The following ARFGEF3 variants were observed in gnomAD, a reference collection of about 807,000 sequenced individuals.
ARFGEF3 encodes ARFGEF family member 3.
A neutral mutation model predicts 221.7 loss-of-function variants in ARFGEF3; 96 were observed. The observed-to-expected ratio is 0.43, with a 90% CI of 0.37 to 0.51. The LOEUF is 0.51. Among genes scored for constraint, ARFGEF3 ranks in the 20% least tolerant of loss-of-function variants. The pLI, the probability that ARFGEF3 is intolerant of heterozygous loss-of-function variation, is 0.00. For missense variants in ARFGEF3, 2,410 were observed against 2,789.9 expected (o/e 0.86, Z 3.07); for synonymous variants, 1,145 against 1,126.8 (o/e 1.02, Z -0.32).
intron 2 of ARFGEF3, among the ~76,000 whole-genome samples, chr6:138,186,333 G>A (rs897980958): frequency 6.6e-6 from 1 of 152,210 alleles, no homozygotes; most frequent in Non-Finnish European, 1.5e-5. Flanking sequence ...TCATGTAACA[G>A]GCTGTCTGGA....
chr6:138,184,885 A>G (rs1777152914), intron 2 of ARFGEF3, among the ~76,000 whole-genome samples: 1 of 152,218 alleles, frequency 6.6e-6, no homozygotes, highest in South Asian at 2.1e-4. Context: ...TACTTACCTG[A>G]AGATGATGCT....
intron 22 of ARFGEF3, among the ~76,000 whole-genome samples, chr6:138,306,542 A>G (rs558893481): frequency 8.7e-4 from 133 of 152,332 alleles, no homozygotes; most frequent in South Asian, 1.9e-3. Context: ...GAAAATTTAC[A>G]CTACCTGATT....
intron 12 of ARFGEF3, among the ~76,000 whole-genome samples, chr6:138,269,828 G>A (rs933830270): frequency 1.3e-5 from 2 of 150,930 alleles, no homozygotes; most frequent in Non-Finnish European, 2.9e-5. Context: ...GAAAAAAAAA[G>A]GCAATATTAC....
intron 14 of ARFGEF3, among the ~76,000 whole-genome samples, chr6:138,283,053 T>A (rs867644956): frequency 1.0e-4 from 15 of 145,954 alleles, no homozygotes; most frequent in Middle Eastern, 3.6e-3. Flanking sequence ...TCTGTCTTTT[T>A]AAAAAAAAAA....
rs558794192 is a variant in ARFGEF3, at chr6:138,239,476, C to T, written c.543+845C>T. 4.3e-4 allele frequency among the ~76,000 whole-genome samples: 65 copies of T among 151,802 alleles called. 2 individuals carry two copies. The South Asian group carries it at 0.012, about 28-fold the overall frequency. ...CAGCCTGGCCAACATAGCGAAACCC[C>T]GTCTCTATTAAAAATCCAAAAAATT... On this transcript the variant is annotated intron_variant, in intron 6 of 33. Coordinates refer to ENST00000251691, the MANE Select transcript of ARFGEF3 (RefSeq NM_020340.5).
In ARFGEF3 at chr6:138,221,673, T is replaced by C. The variant is rs4895517; in HGVS notation, c.352-8111T>C. On this transcript the variant is annotated intron_variant, in intron 4 of 33. Coordinates refer to ENST00000251691, the MANE Select transcript of ARFGEF3 (RefSeq NM_020340.5). Reference sequence around the variant, plus strand: ...AAATTAATTATAACTAATATTTATATATTTTTTCTGTGACTATCACTGTTA... The same window carrying C: ...AAATTAATTATAACTAATATTTATACATTTTTTCTGTGACTATCACTGTTA... Among the ~76,000 whole-genome samples, 959 of 152,248 alleles carry C rather than the reference T, an allele frequency of 6.3e-3. 41 individuals are homozygous for C. Among genetic ancestry groups the C allele is most frequent in the Admixed American group, 0.053 (805 of 15,268 alleles).
chr6:138,198,258 A>G (rs992622745), intron 2 of ARFGEF3, among the ~76,000 whole-genome samples: 1 of 152,186 alleles, frequency 6.6e-6, no homozygotes, highest in African/African-American at 2.4e-5. Context: ...TTGCTAAAAA[A>G]CCTTGAAAGC....
chr6:138,237,456 TAGAGGC>T (rs1778307445), intron 5 of ARFGEF3, among the ~76,000 whole-genome samples: 1 of 152,166 alleles, frequency 6.6e-6, no homozygotes, highest in Non-Finnish European at 1.5e-5. Context: ...CCAGAAGAAT[TAGAGGC>T]AGTAAAATCT....
In ARFGEF3 at chr6:138,265,102, G is replaced by A. The variant is rs375148706; in HGVS notation, c.2128+1491G>A. Among the ~76,000 whole-genome samples, 715 of 151,928 alleles carry A rather than the reference G, an allele frequency of 4.7e-3. 3 individuals carry two copies. Among genetic ancestry groups the A allele is most frequent in the African/African-American group, 0.011 (447 of 41,460 alleles). Reference sequence around the variant, plus strand: ...GTATTTTTAGTAGAGACAGGGTTTCGCTGTGTTAGCCAGGATGGTCTCGAT... The same window carrying A: ...GTATTTTTAGTAGAGACAGGGTTTCACTGTGTTAGCCAGGATGGTCTCGAT... On this transcript the variant is annotated intron_variant, in intron 12 of 33. Coordinates refer to ENST00000251691, the MANE Select transcript of ARFGEF3 (RefSeq NM_020340.5).
chr6:138,220,761 A>C (rs1777969852), intron 4 of ARFGEF3, among the ~76,000 whole-genome samples: 1 of 152,180 alleles, frequency 6.6e-6, no homozygotes. Flanking sequence ...TCTTAATCAC[A>C]TATTATCATC....
At chr6:138,215,627 T>C (rs1473820897) in intron 4 of ARFGEF3, among the ~76,000 whole-genome samples, 2 of 152,072 alleles carry the variant, frequency 1.3e-5, no homozygotes, top group African/African-American at 2.4e-5. Flanking sequence ...GAGAGGCTTG[T>C]GGGTGCTAGT....
At position 138,255,618 on chromosome 6, in the gene ARFGEF3, TGGCTC is replaced by T; in HGVS notation, c.956_960del (p.Ala319AspfsTer58). 6.2e-7 allele frequency: 1 copy of T among 1,613,958 alleles called. No homozygotes were observed. The highest frequency in any genetic ancestry group is 1.7e-5 in the Admixed American group (1 of 60,016). On this transcript the variant is annotated frameshift_variant, in exon 10 of 34. Transcript: ENST00000251691. LOFTEE classifies it high-confidence loss of function. The stretch of plus-strand genomic sequence containing the variant: ...ACTGCGCCGGCCCTGAGCGGACCTG[TGGCTC>T]GGACTATCTATTACATCGCAGCCGA...
At chr6:138,262,073 T>C (rs1778807136) in intron 11 of ARFGEF3, among the ~76,000 whole-genome samples, 1 of 152,108 alleles carries the variant, frequency 6.6e-6, no homozygotes, top group South Asian at 2.1e-4. Flanking sequence ...TTTGAAACAC[T>C]GAGCATAATA....
At chr6:138,261,130 A>G (rs1355826999) in intron 10 of ARFGEF3, among the ~76,000 whole-genome samples, 4 of 152,210 alleles carry the variant, frequency 2.6e-5, no homozygotes, top group Admixed American at 2.6e-4. Flanking sequence ...GAAAGAGGGC[A>G]TACTTCTCCA....
At chr6:138,175,742 T>A (rs1776932213) in intron 2 of ARFGEF3, among the ~76,000 whole-genome samples, 1 of 152,230 alleles carries the variant, frequency 6.6e-6, no homozygotes, top group African/African-American at 2.4e-5. Flanking sequence ...GAATATTGTG[T>A]AAATGTCTGT....
At chr6:138,247,973 T>C (rs1164547698) in intron 8 of ARFGEF3, among the ~76,000 whole-genome samples, 2 of 152,192 alleles carry the variant, frequency 1.3e-5, no homozygotes, top group African/African-American at 4.8e-5. Flanking sequence ...AGGGTTGTTA[T>C]AGGATTTTAA....
rs755902026 is a variant in ARFGEF3 at position 138,281,060 on chromosome 6, A to T, written c.2461+896A>T. On this transcript the variant is annotated intron_variant, in intron 14 of 33. Transcript: ENST00000251691. ...GCCATAGTAAACTATGTGCGTATAC[A>T]GGGAGGTAAAGGATGACAAAGGTGT... is the stretch of plus-strand genomic sequence containing the variant. Among the ~76,000 whole-genome samples, 45 of 152,288 alleles carry T rather than the reference A, an allele frequency of 3.0e-4. No homozygotes were observed. In the Middle Eastern group the frequency reaches 0.02, roughly 69 times the overall value.
intron 10 of ARFGEF3, among the ~76,000 whole-genome samples, chr6:138,260,587 TAA>T (rs1279112676): frequency 3.3e-5 from 5 of 152,222 alleles, no homozygotes; most frequent in Middle Eastern, 6.8e-3. Context: ...CAGAAAGCCT[TAA>T]TGTCCTAATT....
intron 2 of ARFGEF3, among the ~76,000 whole-genome samples, chr6:138,192,896 A>G (rs1777335703): frequency 1.3e-5 from 2 of 152,204 alleles, no homozygotes; most frequent in Admixed American, 6.5e-5. Flanking sequence ...GACCAAGAGT[A>G]GTTTGACTCC....
Sources: allele counts gnomAD v4.1 joint callset (sites outside exome capture counted in the v4.1 genomes callset), GRCh38; gene constraint gnomAD v4.1.1; transcripts MANE v1.5; gene names NCBI Gene and HGNC (gene_info 2026-07-23, HGNC 2026-07-21).